Variants in RPS6KC1 observed in about 807,000 individuals in gnomAD.
The protein encoded by RPS6KC1 is inactive ribosomal protein S6 kinase delta-1.
RPS6KC1 carries 54 observed loss-of-function variants against 103.8 expected under a neutral mutation model. The observed-to-expected ratio is 0.52, with a 90% confidence interval of 0.42 to 0.65. RPS6KC1 has a LOEUF of 0.65. Among genes scored for constraint, RPS6KC1 ranks in the 30% least tolerant of loss-of-function variants. The probability of loss-of-function intolerance (pLI) is 0.00; values close to 1 mark genes in which losing one functional copy is unlikely to be tolerated. For synonymous variants in RPS6KC1, 439 were observed against 438.7 expected, an observed-to-expected ratio of 1.00 and a Z score of -0.01; for missense variants, 1,151 against 1,253.8, an observed-to-expected ratio of 0.92 and a Z score of 1.24.
the RPS6KC1 span, among the ~76,000 whole-genome samples, chr1:213,292,460 C>A: frequency 6.6e-6 from 1 of 152,032 alleles, no homozygotes; most frequent in African/African-American, 2.4e-5. Flanking sequence ...CTAAGAAAAT[C>A]CAGTGTCTGA....
At chr1:213,288,672 A>T in the RPS6KC1 span, among the ~76,000 whole-genome samples, 1 of 152,194 alleles carries the variant, frequency 6.6e-6, no homozygotes, top group Admixed American at 6.5e-5. Context: ...CTGTGTAAGT[A>T]AAGTTTCAGT....
At chr1:213,236,970 G>A (rs1169043047) in intron 10 of RPS6KC1, among the ~76,000 whole-genome samples, 1 of 152,186 alleles carries the variant, frequency 6.6e-6, no homozygotes, top group Admixed American at 6.5e-5. Context: ...TATTCACTTT[G>A]TTGCCCAGAC....
chr1:213,184,266 A>G (rs1247732849), intron 8 of RPS6KC1, among the ~76,000 whole-genome samples: 1 of 152,140 alleles, frequency 6.6e-6, no homozygotes, highest in Non-Finnish European at 1.5e-5. Flanking sequence ...TATTACTCTG[A>G]TATCAAGACA....
the RPS6KC1 span, among the ~76,000 whole-genome samples, chr1:213,782,619 A>G: frequency 6.6e-6 from 1 of 152,176 alleles, no homozygotes; most frequent in Non-Finnish European, 1.5e-5. Flanking sequence ...AACAAAGGCA[A>G]CAAGAAGAAT....
At chr1:213,406,926 C>G in the RPS6KC1 span, among the ~76,000 whole-genome samples, 1 of 152,180 alleles carries the variant, frequency 6.6e-6, no homozygotes, top group South Asian at 2.1e-4. Flanking sequence ...ACCTTAACTT[C>G]CCAAAGTCAC....
At chr1:213,763,547 G>T in the RPS6KC1 span, among the ~76,000 whole-genome samples, 1 of 152,186 alleles carries the variant, frequency 6.6e-6, no homozygotes, top group Non-Finnish European at 1.5e-5. Context: ...TACCTTCCAG[G>T]ATGTGAAAAG....
intron 4 of RPS6KC1, among the ~76,000 whole-genome samples, chr1:213,105,928 C>T (rs1055710207): frequency 8.5e-5 from 13 of 152,222 alleles, no homozygotes; most frequent in Admixed American, 7.8e-4. Context: ...TACCACCTGC[C>T]ATATGGCTAA....
chr1:213,150,258 G>A (rs901789304), intron 6 of RPS6KC1, among the ~76,000 whole-genome samples: 1 of 150,832 alleles, frequency 6.6e-6, no homozygotes, highest in Admixed American at 6.6e-5. Flanking sequence ...ATAGGATTTA[G>A]TTTCTTGCTT....
the RPS6KC1 span, among the ~76,000 whole-genome samples, chr1:213,733,661 A>T: frequency 6.6e-6 from 1 of 151,358 alleles, no homozygotes; most frequent in African/African-American, 2.4e-5. Flanking sequence ...ATTTCTTTTA[A>T]TCCCCTTTCG....
Position 213,077,742 on chromosome 1 carries a change from A to G in RPS6KC1, c.188A>G (p.Glu63Gly). Reference protein sequence around the residue: ...RYSDFKKLHKELWQIHKNLFR... With the variant: ...RYSDFKKLHKGLWQIHKNLFR... ...AGTGATTTTAAGAAACTACACAAAG[A>G]ACTATGGCAAATTCACAAAAACTTA... The change falls in exon 3 of 15, where the codon GAA becomes GGA. Residue 63 changes from glutamate (E) to glycine (G), a missense_variant. By Grantham distance (98) the Glu-to-Gly change is moderately conservative (BLOSUM62 -2). Transcript: ENST00000366960. 6.5e-7 allele frequency: 1 copy of G among 1,532,706 alleles called. No homozygotes were observed. The highest frequency in any genetic ancestry group is 8.9e-7 in the Non-Finnish European group (1 of 1,119,588). The allele number at this position is 1,532,706 out of a possible 1,614,324, so 94.9% of individuals were successfully genotyped here. A position where few individuals can be genotyped will look rare whatever the true frequency, so the allele number is the denominator to read the frequency against.
the RPS6KC1 span, among the ~76,000 whole-genome samples, chr1:213,504,520 T>A: frequency 2.0e-5 from 3 of 152,212 alleles, no homozygotes; most frequent in Non-Finnish European, 2.9e-5. Flanking sequence ...ATCCCAGGCC[T>A]TTCCCTTGTG....
At chr1:213,493,260 A>C in the RPS6KC1 span, among the ~76,000 whole-genome samples, 1 of 152,220 alleles carries the variant, frequency 6.6e-6, no homozygotes, top group Non-Finnish European at 1.5e-5. Context: ...TTAATGTCAT[A>C]AAGTCAGAAA....
At chr1:213,229,354 C>G (rs2148848297) in intron 8 of RPS6KC1, among the ~76,000 whole-genome samples, 1 of 151,214 alleles carries the variant, frequency 6.6e-6, no homozygotes, top group South Asian at 2.1e-4. Flanking sequence ...TAAATTCTGT[C>G]TTTCCTTACC....
intron 8 of RPS6KC1, among the ~76,000 whole-genome samples, chr1:213,222,477 TG>T (rs1447801055): frequency 6.6e-6 from 1 of 152,204 alleles, no homozygotes; most frequent in Non-Finnish European, 1.5e-5. Flanking sequence ...GGTCTGTTCA[TG>T]CTAATGCTCT....
At chr1:213,811,455 A>T in the RPS6KC1 span, among the ~76,000 whole-genome samples, 9 of 152,202 alleles carry the variant, frequency 5.9e-5, no homozygotes, top group Non-Finnish European at 1.3e-4. Context: ...TCAAAATTAC[A>T]TGAAAGAAAG....
chr1:213,462,829 A>G, the RPS6KC1 span, among the ~76,000 whole-genome samples: 1 of 152,212 alleles, frequency 6.6e-6, no homozygotes, highest in Non-Finnish European at 1.5e-5. Context: ...GCAGCAAACC[A>G]CCACGGCACG....
chr1:213,259,725 GTTTTTTTAATTT>G (rs1373414737), intron 12 of RPS6KC1, among the ~76,000 whole-genome samples: 1 of 124,756 alleles, frequency 8.0e-6, no homozygotes, highest in Non-Finnish European at 1.7e-5. Flanking sequence ...TGTAGGTGTT[GTTTTTTTAATTT>G]TTTTTTTTTT....
chr1:213,549,292 A>G, the RPS6KC1 span, among the ~76,000 whole-genome samples: 1 of 152,164 alleles, frequency 6.6e-6, no homozygotes, highest in Non-Finnish European at 1.5e-5. Flanking sequence ...CCCTCGGTGG[A>G]GAGAGAAATC....
intron 8 of RPS6KC1, chr1:213,205,426 A>G (rs1478825756): frequency 2.1e-6 from 2 of 967,976 alleles, no homozygotes; most frequent in African/African-American, 1.8e-5. Flanking sequence ...TATGATGTGG[A>G]TGGTGGGAAG....
Sources: allele counts gnomAD v4.1 joint callset (sites outside exome capture counted in the v4.1 genomes callset), GRCh38; gene constraint gnomAD v4.1.1; transcripts MANE v1.5; gene names NCBI Gene and HGNC (gene_info 2026-07-23, HGNC 2026-07-21).